PLS3: variants seen among roughly 807,000 people sequenced by gnomAD.
The protein encoded by PLS3 is plastin 3.
A neutral mutation model predicts 46.5 loss-of-function variants in PLS3; 11 were observed. The observed-to-expected ratio is 0.24, with a 90% CI of 0.15 to 0.39. The LOEUF is 0.39. Ranked by LOEUF, PLS3 falls within the 10% of genes least tolerant of loss-of-function variation. PLS3 has a pLI of 1.00. For missense variants in PLS3, 308 were observed against 461.8 expected (o/e 0.67, Z 3.05); for synonymous variants, 167 against 162.2 (o/e 1.03, Z -0.22).
intron 1 of PLS3, among the ~76,000 whole-genome samples, chrX:115,574,260 A>G (rs1274652462): frequency 8.9e-6 from 1 of 111,885 alleles, no homozygotes; most frequent in Non-Finnish European, 1.9e-5. Flanking sequence ...CTTGATATTT[A>G]TATTTGAAAG....
chrX:115,610,983 G>T, intron 2 of PLS3: 1 of 550,493 alleles, frequency 1.8e-6, no homozygotes, highest in South Asian at 2.7e-5. Context: ...AGACAATAAT[G>T]AGAAAACAGG....
At position 115,646,135 on chromosome X, in the gene PLS3, G is replaced by T; in HGVS notation, c.1326G>T (p.Trp442Cys). Residue 442 changes from tryptophan (W) to cysteine (C), a missense_variant, in exon 12 of 16, where the codon TGG becomes TGT. Physicochemically the swap from Trp to Cys is radical, Grantham distance 215 (BLOSUM62 -2). Transcript: ENST00000355899. ...AACGAATTAAAGTTCCTGTTGACTG[G>T]AGTAAGGTTAATAAACCTCCATACC... ...LYERIKVPVD[W>C]SKVNKPPYPK... 2.5e-6 allele frequency: 3 copies of T among 1,195,574 alleles called. No homozygotes were observed. Among genetic ancestry groups the T allele is most frequent in the Non-Finnish European group, 3.4e-6 (3 of 882,122 alleles).
intron 9 of PLS3, 135 bp downstream of exon 9, chrX:115,640,638 A>G (rs1174560775): frequency 5.1e-6 from 2 of 389,049 alleles, no homozygotes; most frequent in Admixed American, 4.6e-5. Flanking sequence ...ATTACTGTAC[A>G]TGTAATTCAG....
chrX:115,567,710 T>C (rs2074185642), intron 1 of PLS3, among the ~76,000 whole-genome samples: 1 of 74,554 alleles, frequency 1.3e-5, no homozygotes, highest in Non-Finnish European at 2.4e-5. Context: ...TTTCTTCTTC[T>C]TTTTTTTTTT....
chrX:115,574,634 C>T (rs2147420570), intron 1 of PLS3, among the ~76,000 whole-genome samples: 1 of 110,388 alleles, frequency 9.1e-6, no homozygotes, highest in South Asian at 3.9e-4. Context: ...GGCTGGAGTG[C>T]AATGGCACGA....
At chrX:115,642,639 C>A (rs1246511106) in intron 9 of PLS3, among the ~76,000 whole-genome samples, 2 of 111,208 alleles carry the variant, frequency 1.8e-5, no homozygotes, top group Non-Finnish European at 3.8e-5. Flanking sequence ...TACCCAGAAG[C>A]CTCAGTGAAG....
At chrX:115,566,597 T>C (rs377167292) in intron 1 of PLS3, among the ~76,000 whole-genome samples, 9 of 110,788 alleles carry the variant, frequency 8.1e-5, no homozygotes, top group Admixed American at 3.8e-4. Flanking sequence ...CACCGTGGTC[T>C]CGATCTCCTG....
chrX:115,646,674 T>G, intron 13 of PLS3, 139 bp downstream of exon 13: 1 of 508,847 alleles, frequency 2.0e-6, no homozygotes, highest in Non-Finnish European at 3.0e-6. Flanking sequence ...ATGAGTTTAA[T>G]TAATGAATAT....
At chrX:115,603,675 T>C (rs1391000144) in intron 1 of PLS3, among the ~76,000 whole-genome samples, 2 of 110,849 alleles carry the variant, frequency 1.8e-5, no homozygotes, top group Non-Finnish European at 3.8e-5. Context: ...CTCAGGAGGC[T>C]GAGGCAGGAG....
chrX:115,622,113 C>G (rs1374682371), intron 2 of PLS3, 133 bp from the exon 3 acceptor site: 5 of 511,479 alleles, frequency 9.8e-6, no homozygotes, highest in Non-Finnish European at 1.6e-5. Context: ...TTTCAAACAA[C>G]TTTATGTTCC....
chrX:115,578,995 G>A (rs1432987707), intron 1 of PLS3, among the ~76,000 whole-genome samples: 1 of 110,918 alleles, frequency 9.0e-6, no homozygotes, highest in Non-Finnish European at 1.9e-5. Context: ...ACAGACAAGA[G>A]GCAAATGAGT....
At chrX:115,578,641 C>T (rs1184632489) in intron 1 of PLS3, among the ~76,000 whole-genome samples, 1 of 86,080 alleles carries the variant, frequency 1.2e-5, no homozygotes, top group Non-Finnish European at 2.1e-5. Context: ...AGAAGAATGG[C>T]GTGAACCCGG....
At chrX:115,575,832 A>G (rs1478850585) in intron 1 of PLS3, among the ~76,000 whole-genome samples, 3 of 111,828 alleles carry the variant, frequency 2.7e-5, no homozygotes, top group African/African-American at 9.7e-5. Context: ...CCTTAGTAGT[A>G]TTTATACTGG....
chrX:115,622,457 C>T (rs782202444), intron 3 of PLS3, 48 bp downstream of exon 3: 25 of 822,243 alleles, frequency 3.0e-5, no homozygotes, highest in Admixed American at 2.7e-4. Flanking sequence ...GATGTTCCCT[C>T]GTCTAGTGGG....
At chrX:115,630,514 G>A (rs1194873359) in intron 5 of PLS3, among the ~76,000 whole-genome samples, 2 of 108,490 alleles carry the variant, frequency 1.8e-5, no homozygotes, top group African/African-American at 6.7e-5. Context: ...CTCTGAAGCG[G>A]TACAACTGTG....
chrX:115,564,069 C>A (rs1184308014), intron 1 of PLS3, among the ~76,000 whole-genome samples: 1 of 111,130 alleles, frequency 9.0e-6, no homozygotes, highest in Non-Finnish European at 1.9e-5. Context: ...TTGAACACCA[C>A]CCCCAATATT....
chrX:115,570,320 A>C (rs1263907036), intron 1 of PLS3, among the ~76,000 whole-genome samples: 2 of 110,034 alleles, frequency 1.8e-5, no homozygotes, highest in African/African-American at 6.6e-5. Flanking sequence ...AAATGAAGAT[A>C]ATACACTCAC....
chrX:115,605,057 A>AT (rs200412302), intron 1 of PLS3, among the ~76,000 whole-genome samples: 2,082 of 112,055 alleles, frequency 0.019, 23 homozygotes, highest in Non-Finnish European at 0.027. Context: ...TTGGCTTTAT[A>AT]TTTTTTAGTC....
At chrX:115,589,706 G>A (rs1327407992) in intron 1 of PLS3, among the ~76,000 whole-genome samples, 2 of 112,182 alleles carry the variant, frequency 1.8e-5, no homozygotes, top group Non-Finnish European at 3.8e-5. Context: ...CTGGATGAAA[G>A]TTGTAAGAGA....
Sources: allele counts gnomAD v4.1 joint callset (sites outside exome capture counted in the v4.1 genomes callset), GRCh38; gene constraint gnomAD v4.1.1; transcripts MANE v1.5; gene names NCBI Gene and HGNC (gene_info 2026-07-23, HGNC 2026-07-21).